DNAH8: variants seen among roughly 807,000 people sequenced by gnomAD.
DNAH8 encodes dynein axonemal heavy chain 8.
DNAH8 carries 382 observed loss-of-function variants against 562.1 expected under a neutral mutation model. That is an observed-to-expected ratio of 0.68 (90% CI 0.63 to 0.74). The LOEUF (loss-of-function observed/expected upper bound fraction) is 0.74. Among genes scored for constraint, DNAH8 ranks in the 30% least tolerant of loss-of-function variants. The probability of loss-of-function intolerance (pLI) is 0.00; values close to 1 mark genes in which losing one functional copy is unlikely to be tolerated. For synonymous variants in DNAH8, 1,881 were observed against 1,919.4 expected, an observed-to-expected ratio of 0.98 and a Z score of 0.52; for missense variants, 5,203 against 5,620.4, an observed-to-expected ratio of 0.93 and a Z score of 2.37.
intron 36 of DNAH8, among the ~76,000 whole-genome samples, chr6:38,846,227 T>G (rs1401701633): frequency 6.6e-6 from 1 of 152,182 alleles, no homozygotes; most frequent in Non-Finnish European, 1.5e-5. Flanking sequence ...GGCACTTACT[T>G]AGAGACTTTC....
rs770746027 is a variant in DNAH8, at chr6:38,868,109, T to A, written c.6741T>A (p.Thr2247=). Residue 2247 remains threonine, a synonymous_variant, in exon 48 of 93, where the codon ACT becomes ACA. Coordinates refer to ENST00000327475, the MANE Select transcript of DNAH8 (RefSeq NM_001206927.2). The stretch of plus-strand genomic sequence containing the variant: ...GAAATATTCTGTCTGTATTGAGGAC[T>A]CTTGGATCTCAAAAAAGAGCCAGAC... ...GLRNILSVLR[T]LGSQKRARPE... 7.4e-6 allele frequency: 12 copies of A among 1,613,796 alleles called. No homozygotes were observed. The highest frequency in any genetic ancestry group is 6.7e-5 in the East Asian group (3 of 44,854).
chr6:38,997,570 G>GA (rs1765221024), intron 88 of DNAH8, among the ~76,000 whole-genome samples: 1 of 152,088 alleles, frequency 6.6e-6, no homozygotes. Context: ...AATGGGGTGA[G>GA]AAATATGGAC....
At chr6:38,718,053 ATAGC>A (rs1341044552) in intron 1 of DNAH8, among the ~76,000 whole-genome samples, 2 of 152,198 alleles carry the variant, frequency 1.3e-5, no homozygotes, top group Non-Finnish European at 1.5e-5. Context: ...ATCTGCATAT[ATAGC>A]TCTACCTCAT....
At chr6:38,904,533 G>A (rs1780297531) in intron 62 of DNAH8, among the ~76,000 whole-genome samples, 1 of 152,152 alleles carries the variant, frequency 6.6e-6, no homozygotes, top group African/African-American at 2.4e-5. Context: ...GCTCACGCCT[G>A]TAATCCCAGC....
intron 3 of DNAH8, among the ~76,000 whole-genome samples, chr6:38,726,302 G>A (rs13213195): frequency 2.0e-5 from 3 of 152,172 alleles, no homozygotes; most frequent in African/African-American, 7.2e-5. Flanking sequence ...ACTAAGATGT[G>A]GGGGGGAGAT....
At chr6:38,992,266 C>G (rs1295296754) in intron 88 of DNAH8, among the ~76,000 whole-genome samples, 3 of 152,202 alleles carry the variant, frequency 2.0e-5, no homozygotes, top group African/African-American at 7.2e-5. Flanking sequence ...CCGCACCCAG[C>G]CTCATACTTT....
At chr6:38,781,434 C>T in intron 16 of DNAH8, 61 bp downstream of exon 16, 1 of 1,150,874 alleles carries the variant, frequency 8.7e-7, no homozygotes, top group Admixed American at 3.2e-5. Flanking sequence ...ACAAATATAT[C>T]ATATCCTATA....
intron 62 of DNAH8, among the ~76,000 whole-genome samples, chr6:38,902,816 G>A (rs886129368): frequency 2.6e-5 from 4 of 152,190 alleles, no homozygotes; most frequent in Non-Finnish European, 5.9e-5. Flanking sequence ...AGGAAGAGGA[G>A]GAAAGAACAG....
intron 64 of DNAH8, 147 bp downstream of exon 64, chr6:38,908,267 A>C: frequency 4.4e-6 from 2 of 459,754 alleles, no homozygotes; most frequent in East Asian, 3.5e-5. Context: ...CACAATCTCC[A>C]TTGACCAAAT....
At chr6:38,722,413 G>T (rs2127563647) in intron 1 of DNAH8, among the ~76,000 whole-genome samples, 1 of 152,148 alleles carries the variant, frequency 6.6e-6, no homozygotes, top group South Asian at 2.1e-4. Context: ...CTCTAATTCA[G>T]TGGCTCTCAT....
intron 57 of DNAH8, among the ~76,000 whole-genome samples, chr6:38,890,131 C>T (rs1268379272): frequency 6.6e-6 from 1 of 152,180 alleles, no homozygotes; most frequent in Non-Finnish European, 1.5e-5. Context: ...TGGTGACTGA[C>T]TGTAGGCTGG....
At chr6:38,915,058 T>A in intron 67 of DNAH8, 143 bp from the exon 68 acceptor site, 1 of 688,838 alleles carries the variant, frequency 1.5e-6, no homozygotes, top group South Asian at 2.9e-5. Context: ...TTAATATACC[T>A]TAAAATATAG....
chr6:38,897,548 A>G (rs1238397794), intron 60 of DNAH8, among the ~76,000 whole-genome samples: 1 of 152,236 alleles, frequency 6.6e-6, no homozygotes, highest in Non-Finnish European at 1.5e-5. Context: ...AAATTAATAT[A>G]TAGGTTTAAT....
chr6:38,722,856 C>G lies in DNAH8; in HGVS notation c.47C>G (p.Ala16Gly). The G allele has an allele frequency of 1.9e-6, 3 of 1,610,610 alleles. No homozygotes were observed. The highest frequency in any genetic ancestry group is 2.5e-6 in the Non-Finnish European group (3 of 1,178,768). The change falls in exon 2 of 93, where the codon GCT becomes GGT. Residue 16 changes from alanine (A) to glycine (G), a missense_variant. By Grantham distance (60) the Ala-to-Gly change is moderately conservative (BLOSUM62 0). Coordinates refer to ENST00000327475, the MANE Select transcript of DNAH8 (RefSeq NM_001206927.2). ...EDGAPSEGAE[A>G]PPSTEEAAPP... is the part of the protein sequence containing the mutation. ...GGCGCCCCTTCTGAGGGAGCAGAGG[C>G]TCCTCCCTCTACGGAAGAGGCTGCC... is the stretch of plus-strand genomic sequence containing the variant.
At chr6:38,885,772 T>A (rs1386634885) in intron 56 of DNAH8, among the ~76,000 whole-genome samples, 2 of 152,224 alleles carry the variant, frequency 1.3e-5, no homozygotes, top group Non-Finnish European at 2.9e-5. Context: ...TTATATATCA[T>A]GTCAGGTGAA....
In DNAH8 at chr6:38,883,409, T is replaced by C. The variant is rs778164500; in HGVS notation, c.8089T>C (p.Ser2697Pro). The change falls in exon 55 of 93, where the codon TCC becomes CCC. Residue 2697 changes from serine (S) to proline (P), a missense_variant. Coordinates refer to ENST00000327475, the MANE Select transcript of DNAH8 (RefSeq NM_001206927.2). Reference protein sequence around the residue: ...LKKYDPEVQLSKSLNFSSATE... With the variant: ...LKKYDPEVQLPKSLNFSSATE... ...AAAATATGATCCTGAAGTACAGCTA[T>C]CCAAAAGTCTAAACTTTTCATCTGC... The C allele has an allele frequency of 6.2e-7, 1 of 1,612,964 alleles. No individual in the cohort carries two copies. The highest frequency in any genetic ancestry group is 8.5e-7 in the Non-Finnish European group (1 of 1,179,422).
intron 43 of DNAH8, among the ~76,000 whole-genome samples, chr6:38,861,949 G>GTTTTTAT (rs1554231781): frequency 7.4e-6 from 1 of 134,690 alleles, no homozygotes; most frequent in Admixed American, 7.9e-5. Context: ...TGAAAACCAG[G>GTTTTTAT]TTTTTTTTTT....
rs1435250208 is a variant in DNAH8 at position 38,854,943 on chromosome 6, A to G, written c.5733+1596A>G. 2.0e-5 allele frequency among the ~76,000 whole-genome samples: 3 copies of G among 148,818 alleles called. No individual in the cohort carries two copies. The South Asian group carries it at 6.3e-4, about 31-fold the overall frequency. Reference sequence around the variant, plus strand: ...ACAATGTATATAATACATATTTTACAAAGTATTTTATACAATGTATATAAT... The same window carrying G: ...ACAATGTATATAATACATATTTTACGAAGTATTTTATACAATGTATATAAT... On this transcript the variant is annotated intron_variant, in intron 41 of 92. Coordinates refer to ENST00000327475, the MANE Select transcript of DNAH8 (RefSeq NM_001206927.2).
intron 91 of DNAH8, among the ~76,000 whole-genome samples, chr6:39,012,970 A>G (rs562887994): frequency 6.6e-6 from 1 of 152,340 alleles, no homozygotes; most frequent in South Asian, 2.1e-4. Context: ...ATGTTTGTGA[A>G]ATATCAAAAA....
Sources: allele counts gnomAD v4.1 joint callset (sites outside exome capture counted in the v4.1 genomes callset), GRCh38; gene constraint gnomAD v4.1.1; transcripts MANE v1.5; gene names NCBI Gene and HGNC (gene_info 2026-07-23, HGNC 2026-07-21).